SPATA6L: variants seen among roughly 807,000 people sequenced by gnomAD.
SPATA6L encodes the protein spermatogenesis associated 6 like, also known as spermatogenesis associated 6-like protein.
Under a neutral mutation model 49.2 loss-of-function variants are expected in SPATA6L, and 68 were observed. The ratio of observed to expected loss-of-function variants is 1.38; its 90% CI spans 1.14 to 1.69. The LOEUF is 1.69. Among genes scored for constraint, SPATA6L ranks in the 40% most tolerant of loss-of-function variants. The probability of loss-of-function intolerance (pLI) is 0.00; values close to 1 mark genes in which losing one functional copy is unlikely to be tolerated. For missense variants in SPATA6L, 668 were observed against 464.3 expected (o/e 1.44, Z -4.03); for synonymous variants, 198 against 165.7 (o/e 1.19, Z -1.50).
At chr9:4,655,981 A>T in intron 3 of SPATA6L, 60 bp downstream of exon 3, 1 of 1,306,162 alleles carries the variant, frequency 7.7e-7, no homozygotes, top group Non-Finnish European at 1.1e-6. Flanking sequence ...CAGAGTTTTG[A>T]ATCTGTGAAT....
intron 7 of SPATA6L, among the ~76,000 whole-genome samples, chr9:4,621,088 CTCTATTG>C (rs1478365261): frequency 6.6e-6 from 1 of 152,188 alleles, no homozygotes; most frequent in African/African-American, 2.4e-5. Context: ...AGATAAAGAT[CTCTATTG>C]TCAGGGATGG....
intron 9 of SPATA6L, among the ~76,000 whole-genome samples, chr9:4,609,792 C>A (rs1309631808): frequency 2.6e-5 from 4 of 151,572 alleles, no homozygotes; most frequent in African/African-American, 4.9e-5. Flanking sequence ...GAAGTTCTGG[C>A]CAGGGCAATT....
intron 9 of SPATA6L, among the ~76,000 whole-genome samples, chr9:4,614,151 G>A (rs1166366980): frequency 6.6e-6 from 1 of 152,156 alleles, no homozygotes; most frequent in African/African-American, 2.4e-5. Context: ...CCTTCTCCTC[G>A]AGTCATGTGG....
intron 9 of SPATA6L, among the ~76,000 whole-genome samples, chr9:4,615,221 C>A (rs147157583): frequency 0.012 from 1,772 of 152,356 alleles, 22 homozygotes; most frequent in South Asian, 0.021. Flanking sequence ...TTGTTCCACA[C>A]TATTCACAAA....
rs1235610973 is a variant in SPATA6L, at chr9:4,666,242, C to T, written c.9G>A (p.Leu3=). 3 of 1,614,188 alleles carry T rather than the reference C, an allele frequency of 1.9e-6. No homozygotes were observed. Among genetic ancestry groups the T allele is most frequent in the African/African-American group, 1.3e-5 (1 of 75,052 alleles). The part of the protein sequence containing the change: MP[L]EVVVELQIRA... Reference sequence around the variant, plus strand: ...GGATCTGCAGCTCCACCACCACCTCCAGAGGCATCGTTCCCTGCGTGGGCG... The same window carrying T: ...GGATCTGCAGCTCCACCACCACCTCTAGAGGCATCGTTCCCTGCGTGGGCG... Residue 3 remains leucine, a synonymous_variant, in exon 1 of 12, where the codon CTG becomes CTA. Coordinates refer to ENST00000682582, the MANE Select transcript of SPATA6L (RefSeq NM_001353486.2).
chr9:4,607,275 A>C (rs2130175119), intron 9 of SPATA6L, among the ~76,000 whole-genome samples: 1 of 152,234 alleles, frequency 6.6e-6, no homozygotes, highest in Admixed American at 6.5e-5. Flanking sequence ...CAACATTCAG[A>C]TTCAGGAAAT....
At chr9:4,658,829 T>A (rs1245740595) in intron 2 of SPATA6L, among the ~76,000 whole-genome samples, 3 of 151,218 alleles carry the variant, frequency 2.0e-5, no homozygotes. Flanking sequence ...CTGTCTCTAC[T>A]AAAACTACAA....
chr9:4,637,880 T>C (rs943095654), intron 3 of SPATA6L, among the ~76,000 whole-genome samples: 15 of 152,186 alleles, frequency 9.9e-5, no homozygotes, highest in African/African-American at 3.6e-4. Flanking sequence ...GTTTCCACAC[T>C]GTTAAAAAAA....
At chr9:4,625,070 C>G in intron 6 of SPATA6L, 1 of 438,784 alleles carries the variant, frequency 2.3e-6, no homozygotes, top group Non-Finnish European at 3.8e-6. Flanking sequence ...GCATTATACT[C>G]TGTTAATAAT....
At chr9:4,636,301 C>T (rs528272262) in intron 3 of SPATA6L, among the ~76,000 whole-genome samples, 81 of 152,212 alleles carry the variant, frequency 5.3e-4, no homozygotes, top group Middle Eastern at 3.4e-3. Context: ...TTATAAACCA[C>T]TTTCATTTTT....
chr9:4,636,238 C>G (rs181610885), intron 3 of SPATA6L, among the ~76,000 whole-genome samples: 1 of 151,904 alleles, frequency 6.6e-6, no homozygotes, highest in Non-Finnish European at 1.5e-5. Context: ...AAATCATGTC[C>G]CATCTAAATG....
chr9:4,598,258 G>C (rs770432703), downstream of SPATA6L, among the ~76,000 whole-genome samples: 3 of 152,110 alleles, frequency 2.0e-5, no homozygotes, highest in East Asian at 3.9e-4. Flanking sequence ...GGCTTTGACA[G>C]ATCTGCAACC....
At chr9:4,655,543 TG>T (rs1837937560) in intron 3 of SPATA6L, among the ~76,000 whole-genome samples, 1 of 150,708 alleles carries the variant, frequency 6.6e-6, no homozygotes, top group East Asian at 1.9e-4. Flanking sequence ...TTAGTTTTTT[TG>T]TTTTTTTGTT....
chr9:4,607,694 C>G (rs1825650044), intron 9 of SPATA6L, among the ~76,000 whole-genome samples: 1 of 152,104 alleles, frequency 6.6e-6, no homozygotes, highest in Admixed American at 6.5e-5. Flanking sequence ...AAAATCATGC[C>G]AAAATGTAAA....
chr9:4,638,011 G>C (rs1833149856), intron 3 of SPATA6L, among the ~76,000 whole-genome samples: 1 of 152,090 alleles, frequency 6.6e-6, no homozygotes, highest in Admixed American at 6.5e-5. Flanking sequence ...CTCCTATGTA[G>C]TAAGACTTAT....
At chr9:4,630,791 T>C (rs1831361054) in intron 4 of SPATA6L, among the ~76,000 whole-genome samples, 2 of 152,254 alleles carry the variant, frequency 1.3e-5, no homozygotes, top group South Asian at 4.1e-4. Flanking sequence ...ATATACCAGG[T>C]ATTGTGCTAA....
rs76939990 is a variant in SPATA6L, at chr9:4,600,046, C to T, written c.*765G>A. ...TGCACCTTCCTAACTAACTTTAAAA[C>T]CTGGCATTGGCAGTCCTATCTGTAG... On this transcript the variant is annotated 3_prime_UTR_variant, in exon 12 of 12. Coordinates refer to ENST00000682582, the MANE Select transcript of SPATA6L (RefSeq NM_001353486.2). 1.3e-3 allele frequency among the ~76,000 whole-genome samples: 195 copies of T among 152,318 alleles called. 2 individuals carry two copies. The highest frequency in any genetic ancestry group is 4.6e-3 in the African/African-American group (190 of 41,568).
At chr9:4,597,318 AT>A (rs1822352071), downstream of SPATA6L, among the ~76,000 whole-genome samples, 1 of 94,906 alleles carries the variant, frequency 1.1e-5, no homozygotes, top group Non-Finnish European at 2.0e-5. Flanking sequence ...AGAAAACAAA[AT>A]ACACACACAC....
chr9:4,605,370 T>C lies in SPATA6L; in HGVS notation c.1066A>G (p.Arg356Gly). Residue 356 changes from arginine (R) to glycine (G), a missense_variant, in exon 10 of 12, where the codon AGA (arginine) becomes GGA (glycine). Physicochemically the swap from Arg to Gly is moderately radical, Grantham distance 125. Coordinates refer to ENST00000682582, the MANE Select transcript of SPATA6L (RefSeq NM_001353486.2). ...ERVCSLLTSH[R>G]AQLHQNKEDS... is the part of the protein sequence containing the mutation. Reference sequence around the variant, plus strand: ...ACCTTGTTTTGGTGCAGCTGTGCTCTGTGGGATGTCAGAAGACTGCATACC... The same window carrying C: ...ACCTTGTTTTGGTGCAGCTGTGCTCCGTGGGATGTCAGAAGACTGCATACC... 1.9e-6 allele frequency: 3 copies of C among 1,614,128 alleles called. No individual in the cohort carries two copies. Among genetic ancestry groups the C allele is most frequent in the Non-Finnish European group, 2.5e-6 (3 of 1,179,928 alleles).
Sources: gnomAD v4.1 joint callset for allele counts (sites outside exome capture counted in the v4.1 genomes callset) on GRCh38, gnomAD v4.1.1 for gene constraint, MANE v1.5 for transcripts, NCBI Gene and HGNC (gene_info 2026-07-23, HGNC 2026-07-21) for gene names.